ITFG1: variants seen among roughly 807,000 people sequenced by gnomAD.
ITFG1 encodes T-cell immunomodulatory protein.
In ITFG1, 34 loss-of-function variants were observed where a neutral mutation model predicts 81.8. That is an observed-to-expected ratio of 0.42 (90% CI 0.32 to 0.55). ITFG1 has a LOEUF of 0.55. ITFG1 is among the 20% of genes least tolerant of loss of function. The pLI is 0.17. For synonymous variants in ITFG1, 285 were observed against 270.6 expected (o/e 1.05, Z -0.52); for missense variants, 672 against 755.4 (o/e 0.89, Z 1.29).
intron 14 of ITFG1, among the ~76,000 whole-genome samples, chr16:47,173,129 A>T (rs184108610): frequency 6.6e-6 from 1 of 152,276 alleles, no homozygotes; most frequent in African/African-American, 2.4e-5. Flanking sequence ...TGTTCAAATG[A>T]TATGTTCTCA....
intron 6 of ITFG1, chr16:47,426,239 C>T (rs928853289): frequency 1.3e-5 from 2 of 151,952 alleles, no homozygotes; most frequent in African/African-American, 2.4e-5. Flanking sequence ...AGATGGGTAG[C>T]AGTAGCCCTG....
chr16:47,158,769 G>T, intron 17 of ITFG1, 104 bp downstream of exon 17: 1 of 536,058 alleles, frequency 1.9e-6, no homozygotes. Context: ...TGAAATTCTA[G>T]TCATATGAAA....
chr16:47,409,403 TA>T (rs1176892552), intron 6 of ITFG1, among the ~76,000 whole-genome samples: 17 of 36,648 alleles, frequency 4.6e-4, no homozygotes, highest in Admixed American at 8.8e-4. Flanking sequence ...TATATATATA[TA>T]TTTTTTTTTT....
intron 2 of ITFG1, among the ~76,000 whole-genome samples, chr16:47,457,037 C>T (rs930354693): frequency 1.3e-5 from 2 of 152,004 alleles, no homozygotes; most frequent in African/African-American, 2.4e-5. Context: ...GGGCAAGCTG[C>T]ACAAAAAATG....
At chr16:47,432,255 A>C (rs1969105202) in intron 5 of ITFG1, among the ~76,000 whole-genome samples, 1 of 152,206 alleles carries the variant, frequency 6.6e-6, no homozygotes, top group African/African-American at 2.4e-5. Flanking sequence ...GAAACCACAG[A>C]TATGTCATCT....
intron 8 of ITFG1, among the ~76,000 whole-genome samples, chr16:47,349,158 A>G (rs1967909330): frequency 2.0e-5 from 3 of 152,190 alleles, no homozygotes; most frequent in Admixed American, 1.3e-4. Flanking sequence ...TCAACTAATG[A>G]GCAAAGTTAC....
intron 6 of ITFG1, among the ~76,000 whole-genome samples, chr16:47,381,244 C>T (rs980320541): frequency 6.6e-6 from 1 of 152,098 alleles, no homozygotes; most frequent in African/African-American, 2.4e-5. Flanking sequence ...AATGATTAAT[C>T]ATGAGCATGT....
Position 47,191,259 on chromosome 16 carries a change from C to T in ITFG1, c.1453+27609G>A, listed in dbSNP as rs530662619. On this transcript the variant is annotated intron_variant, in intron 14 of 17. Coordinates refer to ENST00000320640, the MANE Select transcript of ITFG1 (RefSeq NM_030790.5). The stretch of plus-strand genomic sequence containing the variant: ...ATTCTTTCCTTGGCCAGGTCTAAGC[C>T]CATCAAAGGCATTCTTCATTCCTAT... Among the ~76,000 whole-genome samples, 65 of 152,210 alleles carry T rather than the reference C, an allele frequency of 4.3e-4. 1 individual carries two copies. The highest frequency in any genetic ancestry group is 7.2e-4 in the Admixed American group (11 of 15,286).
chr16:47,408,115 G>C lies in ITFG1; in HGVS notation c.655+20689C>G, dbSNP rs147036206. Among the ~76,000 whole-genome samples the C allele has an allele frequency of 7.5e-3, 1,142 of 152,282 alleles. 19 individuals are homozygous for C. Among genetic ancestry groups the C allele is most frequent in the African/African-American group, 0.026 (1,082 of 41,552 alleles). On this transcript the variant is annotated intron_variant, in intron 6 of 17. Transcript: ENST00000320640. ...TACAGAATGAATAGAGTGATGCCAG[G>C]CTATAACCACTTCCTTGAGGTTTAT...
At chr16:47,433,778 T>C (rs570304912) in intron 5 of ITFG1, among the ~76,000 whole-genome samples, 2 of 143,260 alleles carry the variant, frequency 1.4e-5, no homozygotes, top group South Asian at 2.2e-4. Context: ...TGAATATATA[T>C]ATATATATAT....
At chr16:47,460,787 C>T (rs1969524479) in intron 1 of ITFG1, 51 bp downstream of exon 1, 5 of 1,588,590 alleles carry the variant, frequency 3.1e-6, no homozygotes, top group African/African-American at 2.7e-5. Context: ...TGGGGAACAC[C>T]GGGAGAGGCA....
At chr16:47,183,762 T>C (rs1335605522) in intron 14 of ITFG1, among the ~76,000 whole-genome samples, 1 of 152,302 alleles carries the variant, frequency 6.6e-6, no homozygotes, top group South Asian at 2.1e-4. Context: ...AGTTCCTCAC[T>C]AGCAACGGAA....
At chr16:47,187,822 G>C (rs1302547855) in intron 14 of ITFG1, among the ~76,000 whole-genome samples, 1 of 152,066 alleles carries the variant, frequency 6.6e-6, no homozygotes, top group Non-Finnish European at 1.5e-5. Flanking sequence ...AGAGTGAACA[G>C]GCAACCTACA....
intron 10 of ITFG1, among the ~76,000 whole-genome samples, chr16:47,265,344 A>C (rs2151543996): frequency 6.6e-6 from 1 of 152,206 alleles, no homozygotes; most frequent in East Asian, 1.9e-4. Context: ...ATCTACACAA[A>C]ACAAGGAACA....
intron 10 of ITFG1, among the ~76,000 whole-genome samples, chr16:47,289,214 G>A (rs977939176): frequency 3.3e-5 from 5 of 152,090 alleles, no homozygotes; most frequent in Non-Finnish European, 7.4e-5. Context: ...TTTGAACATG[G>A]TAAATGCTCT....
intron 10 of ITFG1, among the ~76,000 whole-genome samples, chr16:47,300,617 G>A (rs1967061044): frequency 6.6e-6 from 1 of 152,124 alleles, no homozygotes; most frequent in African/African-American, 2.4e-5. Flanking sequence ...CAGCTGAAGG[G>A]CTGCTGTCTA....
At chr16:47,446,068 A>G (rs1969321123) in intron 5 of ITFG1, among the ~76,000 whole-genome samples, 1 of 152,196 alleles carries the variant, frequency 6.6e-6, no homozygotes, top group African/African-American at 2.4e-5. Flanking sequence ...GAAAAAAAAA[A>G]GAGGCAACTG....
At chr16:47,223,755 C>G (rs1965723253) in intron 13 of ITFG1, among the ~76,000 whole-genome samples, 1 of 152,188 alleles carries the variant, frequency 6.6e-6, no homozygotes, top group Admixed American at 6.5e-5. Flanking sequence ...GCTATAAAGA[C>G]ACGTGCACAT....
intron 2 of ITFG1, among the ~76,000 whole-genome samples, chr16:47,456,272 A>G (rs1969451760): frequency 6.6e-6 from 1 of 152,212 alleles, no homozygotes; most frequent in Non-Finnish European, 1.5e-5. Context: ...ATAGAAAAAG[A>G]AGAGACTCCA....
Sources: allele counts gnomAD v4.1 joint callset (sites outside exome capture counted in the v4.1 genomes callset), GRCh38; gene constraint gnomAD v4.1.1; transcripts MANE v1.5; gene names NCBI Gene and HGNC (gene_info 2026-07-23, HGNC 2026-07-21).